IL1RAPL1: variants seen among roughly 807,000 people sequenced by gnomAD.
The protein encoded by IL1RAPL1 is interleukin-1 receptor accessory protein-like 1.
Under a neutral mutation model 48.4 loss-of-function variants are expected in IL1RAPL1, and 3 were observed. That is an observed-to-expected ratio of 0.06 (90% CI 0.03 to 0.16). The LOEUF (loss-of-function observed/expected upper bound fraction) is 0.16. IL1RAPL1 is among the 10% of genes least tolerant of loss of function. The pLI, the probability that IL1RAPL1 is intolerant of heterozygous loss-of-function variation, is 1.00. For synonymous variants in IL1RAPL1, 185 were observed against 187.7 expected, an observed-to-expected ratio of 0.99 and a Z score of 0.12; for missense variants, 349 against 530.6, an observed-to-expected ratio of 0.66 and a Z score of 3.36.
At position 29,285,603 on chromosome X, in the gene IL1RAPL1, T is replaced by G. The variant is rs1222504647; in HGVS notation, c.362+2386T>G. On this transcript the variant is annotated intron_variant, in intron 3 of 10. Transcript: ENST00000378993. ...ATAATGAATGAAAGATTGAAAAGTT[T>G]CCAAAATGATGACACTTGCCATATG... is the stretch of plus-strand genomic sequence containing the variant. Among the ~76,000 whole-genome samples, 3 of 104,012 alleles carry G rather than the reference T, an allele frequency of 2.9e-5. No homozygotes were observed. In the Admixed American group the frequency reaches 3.1e-4, roughly 11 times the overall value. The allele number at this position is 104,012 out of a possible 115,157, so 90.3% of individuals were successfully genotyped here.
At chrX:29,798,531 G>T (rs1057169686) in intron 6 of IL1RAPL1, among the ~76,000 whole-genome samples, 1 of 111,822 alleles carries the variant, frequency 8.9e-6, no homozygotes, top group Non-Finnish European at 1.9e-5. Context: ...TCCATAGTAA[G>T]CATCTGCTAT....
At chrX:29,658,709 A>G (rs1925757023) in intron 5 of IL1RAPL1, among the ~76,000 whole-genome samples, 1 of 111,837 alleles carries the variant, frequency 8.9e-6, no homozygotes, top group Admixed American at 9.5e-5. Context: ...ATAGTTATAC[A>G]CATTTTGGGG....
At chrX:29,515,397 T>C (rs1206231424) in intron 5 of IL1RAPL1, among the ~76,000 whole-genome samples, 2 of 112,022 alleles carry the variant, frequency 1.8e-5, no homozygotes, top group East Asian at 5.6e-4. Context: ...TTAGTAGCCA[T>C]ACCACTTCCC....
At chrX:29,828,672 T>C (rs1167478938) in intron 6 of IL1RAPL1, among the ~76,000 whole-genome samples, 1 of 112,146 alleles carries the variant, frequency 8.9e-6, no homozygotes, top group Non-Finnish European at 1.9e-5. Context: ...AGATTCTATT[T>C]TATTTCTATG....
chrX:29,316,555 A>G (rs1932771079), intron 3 of IL1RAPL1, among the ~76,000 whole-genome samples: 1 of 112,325 alleles, frequency 8.9e-6, no homozygotes, highest in Admixed American at 9.5e-5. Flanking sequence ...TATACATTTT[A>G]TGAAGGCAGG....
chrX:28,603,309 C>A (rs1040533488), intron 1 of IL1RAPL1, among the ~76,000 whole-genome samples: 1 of 111,446 alleles, frequency 9.0e-6, no homozygotes, highest in African/African-American at 3.3e-5. Flanking sequence ...ATGTGGCTTG[C>A]GGAAATACTG....
At position 28,885,297 on chromosome X, in the gene IL1RAPL1, G is replaced by T. The variant is rs770690443; in HGVS notation, c.82+95872G>T. 1.2e-4 allele frequency among the ~76,000 whole-genome samples: 13 copies of T among 111,169 alleles called. No individual in the cohort carries two copies. In the East Asian group the frequency reaches 3.7e-3, roughly 31 times the overall value. On this transcript the variant is annotated intron_variant, in intron 2 of 10. Coordinates refer to ENST00000378993, the MANE Select transcript of IL1RAPL1 (RefSeq NM_014271.4). ...GGATATGACTCAGAAGGGTGCTCTA[G>T]AGAGCACATCCAATTAACTTTTTGC...
chrX:29,543,907 G>A (rs1449315461), intron 5 of IL1RAPL1, among the ~76,000 whole-genome samples: 1 of 111,134 alleles, frequency 9.0e-6, no homozygotes, highest in African/African-American at 3.3e-5. Context: ...GATCTCAAAG[G>A]AAACAGAAGA....
At chrX:29,662,700 T>C (rs533992363) in intron 5 of IL1RAPL1, among the ~76,000 whole-genome samples, 1 of 112,344 alleles carries the variant, frequency 8.9e-6, no homozygotes, top group African/African-American at 3.2e-5. Context: ...CCTAAATACA[T>C]GTCTTTTGAT....
intron 3 of IL1RAPL1, among the ~76,000 whole-genome samples, chrX:29,328,404 A>G (rs1279646778): frequency 1.8e-5 from 2 of 111,098 alleles, no homozygotes; most frequent in Non-Finnish European, 3.8e-5. Flanking sequence ...GGCTCTCCCT[A>G]TTATACACAC....
At chrX:29,106,795 A>G (rs1433376853) in intron 2 of IL1RAPL1, among the ~76,000 whole-genome samples, 2 of 111,782 alleles carry the variant, frequency 1.8e-5, no homozygotes, top group Non-Finnish European at 3.8e-5. Flanking sequence ...ATCAGTAATA[A>G]TTGATACTTT....
intron 9 of IL1RAPL1, among the ~76,000 whole-genome samples, chrX:29,945,602 T>C (rs767526354): frequency 5.3e-5 from 6 of 112,234 alleles, no homozygotes; most frequent in Non-Finnish European, 1.1e-4. Context: ...GTTGACTACT[T>C]TATCAATAAT....
intron 2 of IL1RAPL1, among the ~76,000 whole-genome samples, chrX:28,811,329 T>A (rs1936791341): frequency 9.0e-6 from 1 of 111,140 alleles, no homozygotes. Context: ...AGAAAAAGTG[T>A]GACCTATTGT....
chrX:29,017,307 A>G (rs933045860), intron 2 of IL1RAPL1, among the ~76,000 whole-genome samples: 2 of 112,311 alleles, frequency 1.8e-5, no homozygotes, highest in African/African-American at 3.2e-5. Context: ...CTGCTTCTGT[A>G]GAATAAGAAT....
chrX:28,597,175 A>G (rs1933964841), intron 1 of IL1RAPL1, among the ~76,000 whole-genome samples: 1 of 111,387 alleles, frequency 9.0e-6, no homozygotes, highest in Non-Finnish European at 1.9e-5. Context: ...CTGAGCCTTC[A>G]TGTCTGGCAA....
chrX:29,211,091 G>C (rs1930760451), intron 2 of IL1RAPL1, among the ~76,000 whole-genome samples: 1 of 98,417 alleles, frequency 1.0e-5, no homozygotes, highest in South Asian at 4.5e-4. Context: ...CACACACACA[G>C]AGTGAGAGAG....
At chrX:29,489,339 TAAG>T (rs1935131086) in intron 5 of IL1RAPL1, among the ~76,000 whole-genome samples, 2 of 111,790 alleles carry the variant, frequency 1.8e-5, no homozygotes, top group African/African-American at 3.3e-5. Context: ...AAGCTGGAGA[TAAG>T]AAGAAAGGCA....
intron 1 of IL1RAPL1, among the ~76,000 whole-genome samples, chrX:28,613,997 C>T (rs1934183894): frequency 1.8e-5 from 2 of 111,965 alleles, no homozygotes; most frequent in South Asian, 3.7e-4. Flanking sequence ...GCTACTCATA[C>T]TTTCTCCTGG....
intron 2 of IL1RAPL1, among the ~76,000 whole-genome samples, chrX:28,870,109 T>C (rs969486295): frequency 8.9e-5 from 10 of 111,771 alleles, no homozygotes; most frequent in Non-Finnish European, 1.7e-4. Context: ...TATTATGCCA[T>C]ATTATGGATA....
Sources: allele counts gnomAD v4.1 joint callset (sites outside exome capture counted in the v4.1 genomes callset), GRCh38; gene constraint gnomAD v4.1.1; transcripts MANE v1.5; gene names NCBI Gene and HGNC (gene_info 2026-07-23, HGNC 2026-07-21).